ATP8A2: variants seen among roughly 807,000 people sequenced by gnomAD.
ATP8A2 encodes phospholipid-transporting ATPase IB.
Under a neutral mutation model 165.6 loss-of-function variants are expected in ATP8A2, and 100 were observed. The observed-to-expected ratio is 0.60, with a 90% CI of 0.51 to 0.71. The LOEUF (loss-of-function observed/expected upper bound fraction) is 0.71. Ranked by LOEUF, ATP8A2 falls within the 30% of genes least tolerant of loss-of-function variation. The pLI is 0.00. For missense variants in ATP8A2, 1,227 were observed against 1,479.5 expected (o/e 0.83, Z 2.80); for synonymous variants, 543 against 548.8 (o/e 0.99, Z 0.15).
At chr13:25,503,198 T>C (rs901213069) in intron 2 of ATP8A2, among the ~76,000 whole-genome samples, 1 of 152,160 alleles carries the variant, frequency 6.6e-6, no homozygotes, top group African/African-American at 2.4e-5. Flanking sequence ...CGCAAAGTTG[T>C]GTGATGAGTT....
intron 24 of ATP8A2, among the ~76,000 whole-genome samples, chr13:25,659,664 A>C (rs1290688542): frequency 6.6e-6 from 1 of 152,134 alleles, no homozygotes; most frequent in African/African-American, 2.4e-5. Flanking sequence ...ATGGTGGGGG[A>C]AAAAGAAAAA....
chr13:25,588,870 C>T (rs2039993633), intron 23 of ATP8A2, among the ~76,000 whole-genome samples: 1 of 152,100 alleles, frequency 6.6e-6, no homozygotes, highest in African/African-American at 2.4e-5. Flanking sequence ...GCCCTCTCCT[C>T]GCCACCGAGG....
intron 25 of ATP8A2, among the ~76,000 whole-genome samples, chr13:25,716,475 C>T (rs2043257484): frequency 1.3e-5 from 2 of 152,220 alleles, no homozygotes; most frequent in South Asian, 4.2e-4. Flanking sequence ...TCTTTCATCT[C>T]CTTTTAGTTA....
intron 35 of ATP8A2, among the ~76,000 whole-genome samples, chr13:25,982,018 T>C (rs929084517): frequency 2.0e-5 from 3 of 152,200 alleles, no homozygotes; most frequent in Non-Finnish European, 4.4e-5. Context: ...CCATATCTAT[T>C]TTTTTGGCCA....
intron 33 of ATP8A2, among the ~76,000 whole-genome samples, chr13:25,881,941 C>G (rs1254519837): frequency 6.6e-6 from 1 of 152,170 alleles, no homozygotes; most frequent in Non-Finnish European, 1.5e-5. Flanking sequence ...TGCCTGAGTC[C>G]ATTTCAGTAA....
chr13:25,451,853 T>G (rs566997491), intron 1 of ATP8A2, among the ~76,000 whole-genome samples: 64 of 1,842 alleles, frequency 0.035, no homozygotes, highest in African/African-American at 0.047. Flanking sequence ...ACCTTCATGG[T>G]TTTTTTTTTT....
intron 35 of ATP8A2, among the ~76,000 whole-genome samples, chr13:25,992,832 T>C (rs1956422612): frequency 6.8e-6 from 1 of 146,804 alleles, no homozygotes; most frequent in Non-Finnish European, 1.5e-5. Flanking sequence ...ATGCTATCCC[T>C]CCCCCCTTCC....
At chr13:25,933,284 T>A (rs1954812114) in intron 33 of ATP8A2, among the ~76,000 whole-genome samples, 2 of 152,206 alleles carry the variant, frequency 1.3e-5, no homozygotes, top group Non-Finnish European at 2.9e-5. Context: ...GTTCTTGGAT[T>A]CCCTTCCTAT....
At chr13:25,730,083 A>G (rs1217226794) in intron 25 of ATP8A2, among the ~76,000 whole-genome samples, 3 of 147,858 alleles carry the variant, frequency 2.0e-5, no homozygotes, top group Non-Finnish European at 2.9e-5. Context: ...TGAACCCAGG[A>G]GTTTGAGACC....
intron 24 of ATP8A2, among the ~76,000 whole-genome samples, chr13:25,617,586 A>T (rs1478398925): frequency 2.6e-5 from 4 of 152,174 alleles, no homozygotes; most frequent in Non-Finnish European, 5.9e-5. Context: ...AGAAACAAGG[A>T]CTAGATAGTT....
At chr13:25,979,048 CTG>C (rs1053742352) in intron 35 of ATP8A2, among the ~76,000 whole-genome samples, 1 of 151,130 alleles carries the variant, frequency 6.6e-6, no homozygotes, top group African/African-American at 2.4e-5. Flanking sequence ...GACGTGGTCT[CTG>C]TCACTAGACT....
At chr13:25,570,627 T>A (rs2039440004) in intron 16 of ATP8A2, 140 bp from the exon 17 acceptor site, 2 of 592,710 alleles carry the variant, frequency 3.4e-6, no homozygotes, top group Non-Finnish European at 6.0e-6. Context: ...GAGGGGGATC[T>A]GAGGTCCATA....
intron 35 of ATP8A2, among the ~76,000 whole-genome samples, chr13:25,975,421 C>CA (rs35831111): frequency 0.49 from 72,061 of 147,766 alleles, 18,460 homozygotes; most frequent in East Asian, 0.71. Context: ...ACTAAAAATA[C>CA]AAAAAAAAAA....
chr13:25,975,564 A>G (rs967379195), intron 35 of ATP8A2, among the ~76,000 whole-genome samples: 4 of 151,696 alleles, frequency 2.6e-5, no homozygotes, highest in African/African-American at 4.8e-5. Flanking sequence ...CCTGGGGGAC[A>G]GAGTGAGACT....
chr13:25,843,405 T>A (rs936018379), intron 30 of ATP8A2, among the ~76,000 whole-genome samples: 6 of 152,098 alleles, frequency 3.9e-5, no homozygotes, highest in Admixed American at 3.3e-4. Context: ...AATTCATATG[T>A]CAAAACCTCA....
At chr13:25,621,795 A>T (rs1425360970) in intron 24 of ATP8A2, among the ~76,000 whole-genome samples, 2 of 152,170 alleles carry the variant, frequency 1.3e-5, no homozygotes, top group African/African-American at 4.8e-5. Context: ...TGAAAATGGG[A>T]TTCCTTTAAA....
chr13:25,706,249 A>T (rs2043052775), intron 25 of ATP8A2, among the ~76,000 whole-genome samples: 1 of 152,188 alleles, frequency 6.6e-6, no homozygotes, highest in Non-Finnish European at 1.5e-5. Flanking sequence ...TTGTGAAAGT[A>T]TGTATATGTA....
intron 35 of ATP8A2, among the ~76,000 whole-genome samples, chr13:26,000,739 T>C (rs998660932): frequency 7.2e-6 from 1 of 138,082 alleles, no homozygotes; most frequent in East Asian, 2.1e-4. Context: ...TTAATGCCAA[T>C]ACCCCCCACC....
intron 24 of ATP8A2, among the ~76,000 whole-genome samples, chr13:25,629,170 G>A (rs1404605753): frequency 6.6e-6 from 1 of 152,152 alleles, no homozygotes; most frequent in Non-Finnish European, 1.5e-5. Context: ...CACATAGAAA[G>A]TGTTCGTAGA....
Sources: allele counts gnomAD v4.1 joint callset (sites outside exome capture counted in the v4.1 genomes callset), GRCh38; gene constraint gnomAD v4.1.1; transcripts MANE v1.5; gene names NCBI Gene and HGNC (gene_info 2026-07-23, HGNC 2026-07-21).